The following ZNF705G variants were observed in gnomAD, a reference collection of about 807,000 sequenced individuals.
ZNF705G encodes putative zinc finger protein 705G.
ZNF705G carries 23 observed loss-of-function variants against 19.6 expected under a neutral mutation model. The ratio of observed to expected loss-of-function variants is 1.17; its 90% CI spans 0.84 to 1.66. ZNF705G has a LOEUF of 1.66. Among genes scored for constraint, ZNF705G ranks in the 40% most tolerant of loss-of-function variants. The pLI, the probability that ZNF705G is intolerant of heterozygous loss-of-function variation, is 0.00. For missense variants in ZNF705G, 457 were observed against 354.4 expected, an observed-to-expected ratio of 1.29 and a Z score of -2.32; for synonymous variants, 146 against 117.7, an observed-to-expected ratio of 1.24 and a Z score of -1.56.
chr8:7,369,404 G>C (rs1336633008), intron 2 of ZNF705G, among the ~76,000 whole-genome samples: 2 of 149,400 alleles, frequency 1.3e-5, no homozygotes, highest in African/African-American at 2.6e-5. Context: ...GTCCACACTG[G>C]GGCACTGCCT....
intron 3 of ZNF705G, among the ~76,000 whole-genome samples, chr8:7,361,827 A>C (rs1462051970): frequency 6.7e-6 from 1 of 149,736 alleles, no homozygotes; most frequent in East Asian, 1.9e-4. Context: ...GTAATGACCC[A>C]GACTCCAGCA....
Position 7,378,080 on chromosome 8 carries a change from G to A in ZNF705G, c.-72+3372C>T, listed in dbSNP as rs1333706601. 4.1e-4 allele frequency among the ~76,000 whole-genome samples: 61 copies of A among 150,006 alleles called. 1 individual carries two copies. Among genetic ancestry groups the A allele is most frequent in the Non-Finnish European group, 4.7e-4 (32 of 67,992 alleles). On this transcript the variant is annotated intron_variant, in intron 2 of 6. Transcript: ENST00000400156. ...TGAAAATGACATACAGCAGGGTGGGGGAACTTTCAATCATACCCATTGCTT... is the reference window on the plus strand; with the variant it reads ...TGAAAATGACATACAGCAGGGTGGGAGAACTTTCAATCATACCCATTGCTT...
rs1171887337 is a variant in ZNF705G at position 7,357,892 on chromosome 8, C to T, written c.*84G>A. 1.5e-5 allele frequency: 23 copies of T among 1,571,390 alleles called. No individual in the cohort carries two copies. Among genetic ancestry groups the T allele is most frequent in the Non-Finnish European group, 1.9e-5 (22 of 1,166,216 alleles). The stretch of plus-strand genomic sequence containing the variant: ...TCTCTCCAGGGTGAATTTTCTGATG[C>T]TCTTTAAGATTAGTACATTGTCTGA... On this transcript the variant is annotated 3_prime_UTR_variant, in exon 7 of 7. Transcript: ENST00000400156.
chr8:7,380,641 C>G (rs1414727055), intron 2 of ZNF705G, among the ~76,000 whole-genome samples: 2 of 146,322 alleles, frequency 1.4e-5, no homozygotes, highest in African/African-American at 2.8e-5. Flanking sequence ...GAGAGTTGAC[C>G]TGCTATGACT....
At chr8:7,364,281 ATAAT>A (rs1405122723) in intron 2 of ZNF705G, among the ~76,000 whole-genome samples, 2 of 149,808 alleles carry the variant, frequency 1.3e-5, no homozygotes, top group African/African-American at 5.1e-5. Flanking sequence ...AAATATAAAA[ATAAT>A]TAAATATATT....
chr8:7,360,965 T>A (rs1806557159), intron 4 of ZNF705G, 145 bp downstream of exon 4: 6 of 1,448,158 alleles, frequency 4.1e-6, no homozygotes, highest in Non-Finnish European at 5.6e-6. Flanking sequence ...CAGATAGATT[T>A]AGAGAGTTCA....
At chr8:7,372,233 C>T (rs1807120502) in intron 2 of ZNF705G, among the ~76,000 whole-genome samples, 1 of 149,652 alleles carries the variant, frequency 6.7e-6, no homozygotes, top group Non-Finnish European at 1.5e-5. Context: ...AAATACTTGA[C>T]CAATTTAAAA....
chr8:7,371,149 C>G (rs1358789194), intron 2 of ZNF705G, among the ~76,000 whole-genome samples: 2 of 140,640 alleles, frequency 1.4e-5, no homozygotes, highest in African/African-American at 2.8e-5. Context: ...ATAACGAAAC[C>G]CTGTCATTTG....
At position 7,358,614 on chromosome 8, in the gene ZNF705G, T is replaced by A. The variant is rs1306746673; in HGVS notation, c.319-54A>T. 3.5e-5 allele frequency: 56 copies of A among 1,600,470 alleles called. No homozygotes were observed. In the Middle Eastern group the frequency reaches 9.1e-4, roughly 26 times the overall value. On this transcript the variant is annotated intron_variant, in intron 6 of 6. Coordinates refer to ENST00000400156, the MANE Select transcript of ZNF705G (RefSeq NM_001164457.3). The stretch of plus-strand genomic sequence containing the variant: ...TGGTTTACCCACATATATCTATACA[T>A]TCATTTCACTACCTTTGAATCCTAG...
chr8:7,358,430 C>G lies in ZNF705G; in HGVS notation c.449G>C (p.Gly150Ala). The G allele has an allele frequency of 6.2e-7, 1 of 1,607,646 alleles. No homozygotes were observed. The highest frequency in any genetic ancestry group is 1.1e-5 in the South Asian group (1 of 90,714). The change falls in exon 7 of 7, where the codon GGA becomes GCA. Residue 150 changes from glycine to alanine, a missense_variant. Gly to Ala is a moderately conservative substitution (Grantham distance 60). Coordinates refer to ENST00000400156, the MANE Select transcript of ZNF705G (RefSeq NM_001164457.3). ...GGACAAAAGATTACGAAGGGATTTT[C>G]CACACTGTTTGCTGACATAGGGTTT... is the stretch of plus-strand genomic sequence containing the variant. ...GKKPYVSKQCGKSLRNLLSTE... is the reference protein window; with the variant it reads ...GKKPYVSKQCAKSLRNLLSTE...
chr8:7,384,522 CT>C (rs1563305432), intron 1 of ZNF705G, among the ~76,000 whole-genome samples: 1 of 146,022 alleles, frequency 6.8e-6, no homozygotes, highest in Non-Finnish European at 1.5e-5. Context: ...GTAAGAGGAA[CT>C]TTTAAGTCAA....
At chr8:7,367,681 G>A (rs1806920066) in intron 2 of ZNF705G, among the ~76,000 whole-genome samples, 2 of 149,400 alleles carry the variant, frequency 1.3e-5, no homozygotes, top group Non-Finnish European at 2.9e-5. Flanking sequence ...CATCTGCTCG[G>A]GTCTCTTCCA....
intron 2 of ZNF705G, among the ~76,000 whole-genome samples, chr8:7,370,514 C>T (rs1258860912): frequency 6.7e-6 from 1 of 148,426 alleles, no homozygotes; most frequent in African/African-American, 2.6e-5. Context: ...ATTACTATGT[C>T]CATTTCAGAT....
intron 2 of ZNF705G, among the ~76,000 whole-genome samples, chr8:7,380,216 T>A (rs1348046396): frequency 1.4e-5 from 2 of 143,640 alleles, no homozygotes; most frequent in Non-Finnish European, 3.0e-5. Context: ...CCTGCAGGCA[T>A]CCTCAGGGGA....
rs1385717503 is a variant in ZNF705G at position 7,365,380 on chromosome 8, T to C, written c.-71-2363A>G. Among the ~76,000 whole-genome samples, 5 of 145,162 alleles carry C rather than the reference T, an allele frequency of 3.4e-5. No individual in the cohort carries two copies. The South Asian group carries it at 6.5e-4, about 19-fold the overall frequency. On this transcript the variant is annotated intron_variant, in intron 2 of 6. Transcript: ENST00000400156. ...CCCTCCAGATGTCTCTCTCTATTTTTTTTTTTTTTTTTTTTTTGGCGGAGT... is the reference window on the plus strand; with the variant it reads ...CCCTCCAGATGTCTCTCTCTATTTTCTTTTTTTTTTTTTTTTTGGCGGAGT...
chr8:7,366,934 C>T (rs1447790178), intron 2 of ZNF705G, among the ~76,000 whole-genome samples: 2 of 149,610 alleles, frequency 1.3e-5, no homozygotes, highest in South Asian at 2.1e-4. Flanking sequence ...ACGACTTTGG[C>T]TATTACTACT....
chr8:7,365,260 G>T (rs907721501), intron 2 of ZNF705G, among the ~76,000 whole-genome samples: 1 of 149,246 alleles, frequency 6.7e-6, no homozygotes, highest in African/African-American at 2.6e-5. Flanking sequence ...ATTAATTCGT[G>T]GAAAAAAATG....
intron 6 of ZNF705G, among the ~76,000 whole-genome samples, chr8:7,359,023 C>T (rs1189280395): frequency 6.0e-5 from 9 of 149,608 alleles, no homozygotes; most frequent in South Asian, 4.2e-4. Context: ...TATTCCTCTG[C>T]CTCATTTGTT....
At chr8:7,362,188 T>C (rs1270256264) in intron 3 of ZNF705G, among the ~76,000 whole-genome samples, 1 of 149,652 alleles carries the variant, frequency 6.7e-6, no homozygotes, top group Non-Finnish European at 1.5e-5. Flanking sequence ...TTGTACTCTA[T>C]CTACTATATT....
Sources: gnomAD v4.1 joint callset for allele counts (sites outside exome capture counted in the v4.1 genomes callset) on GRCh38, gnomAD v4.1.1 for gene constraint, MANE v1.5 for transcripts, NCBI Gene and HGNC (gene_info 2026-07-23, HGNC 2026-07-21) for gene names.